RAC1: variants seen among roughly 807,000 people sequenced by gnomAD.
RAC1 encodes the protein ras-related C3 botulinum toxin substrate 1.
A neutral mutation model predicts 25.2 loss-of-function variants in RAC1; 2 were observed. That is an observed-to-expected ratio of 0.08 (90% CI 0.03 to 0.25). The LOEUF (loss-of-function observed/expected upper bound fraction) is 0.25, where lower values mean the gene tolerates loss of function less well. Among genes scored for constraint, RAC1 ranks in the 10% least tolerant of loss-of-function variants. RAC1 has a pLI of 1.00. For synonymous variants in RAC1, 88 were observed against 94.0 expected (o/e 0.94, Z 0.37); for missense variants, 50 against 235.7 (o/e 0.21, Z 5.16).
chr7:6,398,749 C>T (rs182595197), intron 3 of RAC1: 2 of 1,597,646 alleles, frequency 1.3e-6, no homozygotes, highest in Non-Finnish European at 1.7e-6. Context: ...ACTTCAGTTT[C>T]AAGCTTTCTC....
chr7:6,383,205 A>G (rs543201114), intron 1 of RAC1, among the ~76,000 whole-genome samples: 2 of 152,386 alleles, frequency 1.3e-5, no homozygotes, highest in South Asian at 4.1e-4. Flanking sequence ...TACGGCTTCC[A>G]TTCTTCATGA....
rs1473432147 is a variant in RAC1, at chr7:6,403,754, T to A, written c.*1308T>A. 4.8e-6 allele frequency: 1 copy of A among 210,308 alleles called. No individual in the cohort carries two copies. Among genetic ancestry groups the A allele is most frequent in the Admixed American group, 5.9e-5 (1 of 16,978 alleles). The allele number at this position is 210,308 out of a possible 1,614,324, so 13.0% of individuals were successfully genotyped here. A position where few individuals can be genotyped will look rare whatever the true frequency, so the allele number is the denominator to read the frequency against. On this transcript the variant is annotated 3_prime_UTR_variant, in exon 6 of 6. Transcript: ENST00000348035. ...GTCGCTTTGCCTATTGATGTTCCTT[T>A]GGGTCTGTGAGGTTCTGTAAACTGT...
At chr7:6,382,394 T>C (rs758226053) in intron 1 of RAC1, among the ~76,000 whole-genome samples, 1 of 152,252 alleles carries the variant, frequency 6.6e-6, no homozygotes, top group African/African-American at 2.4e-5. Context: ...TCAACGTGTC[T>C]TTAAAAGAAG....
intron 1 of RAC1, among the ~76,000 whole-genome samples, chr7:6,375,106 C>T (rs1192335763): frequency 2.0e-5 from 3 of 151,006 alleles, no homozygotes; most frequent in African/African-American, 7.3e-5. Flanking sequence ...GAGATTTTGA[C>T]CATTTTTCCA....
At chr7:6,388,811 G>C (rs1003412714) in intron 2 of RAC1, among the ~76,000 whole-genome samples, 1 of 152,132 alleles carries the variant, frequency 6.6e-6, no homozygotes, top group East Asian at 1.9e-4. Flanking sequence ...AACAAACATT[G>C]CTGGGTTCAG....
At position 6,391,909 on chromosome 7, in the gene RAC1, C is replaced by T. The variant is rs1054079421; in HGVS notation, c.108-15C>T. ...TTCTACACCTGTGACTAACCATTTT[C>T]ATTCCATTCTACAGCTTTGACAATT... On this transcript the variant is annotated splice_polypyrimidine_tract_variant and intron_variant, in intron 2 of 5. Coordinates refer to ENST00000348035, the MANE Select transcript of RAC1 (RefSeq NM_006908.5). The T allele has an allele frequency of 1.2e-6, 2 of 1,614,020 alleles. No homozygotes were observed. The highest frequency in any genetic ancestry group is 1.7e-6 in the Non-Finnish European group (2 of 1,179,940).
At position 6,374,779 on chromosome 7, in the gene RAC1, G is replaced by T. The variant is rs1479845585; in HGVS notation, c.35+9G>T. ...GTGGTGGTGGGAGACGGGTGAGTGCGCGGCCGGGGCCGGGCTGGAGGCCGC... is the reference window on the plus strand; with the variant it reads ...GTGGTGGTGGGAGACGGGTGAGTGCTCGGCCGGGGCCGGGCTGGAGGCCGC... On this transcript the variant is annotated intron_variant, in intron 1 of 5. Transcript: ENST00000348035. The T allele has an allele frequency of 8.8e-7, 1 of 1,135,234 alleles. No individual in the cohort carries two copies. 70.3% of individuals were successfully genotyped at this position (1,135,234 alleles called of 1,614,324 possible). A position where few individuals can be genotyped will look rare whatever the true frequency, so the allele number is the denominator to read the frequency against.
intron 2 of RAC1, chr7:6,391,572 AC>A (rs1783094136): frequency 3.7e-6 from 1 of 267,910 alleles, no homozygotes; most frequent in Non-Finnish European, 7.2e-6. Context: ...TACATGAAAA[AC>A]CCAACAAGTA....
At chr7:6,385,964 A>G (rs1782911099) in intron 1 of RAC1, among the ~76,000 whole-genome samples, 1 of 152,188 alleles carries the variant, frequency 6.6e-6, no homozygotes, top group African/African-American at 2.4e-5. Flanking sequence ...TGCTGTAAAA[A>G]TTGGAGACCT....
rs760053359 is a variant in RAC1 at position 6,398,710 on chromosome 7, C to A, written c.226-1416C>A. On this transcript the variant is annotated intron_variant, in intron 3 of 5. Coordinates refer to ENST00000348035, the MANE Select transcript of RAC1 (RefSeq NM_006908.5). ...TATAACCTCCCGGGGCAAAGACAAG[C>A]CGATTGCCGTATGTAAAACTTTCAG... The A allele has an allele frequency of 1.9e-6, 3 of 1,613,444 alleles. No individual in the cohort carries two copies. The South Asian group carries it at 3.3e-5, about 18-fold the overall frequency.
chr7:6,393,189 G>C (rs139745630), intron 3 of RAC1, among the ~76,000 whole-genome samples: 1 of 152,290 alleles, frequency 6.6e-6, no homozygotes, highest in East Asian at 1.9e-4. Context: ...CCAGTACTTC[G>C]TTGTAGGGGG....
chr7:6,389,541 ATGGTGGCACATGAC>A (rs1295377032), intron 2 of RAC1, among the ~76,000 whole-genome samples: 1 of 151,952 alleles, frequency 6.6e-6, no homozygotes, highest in East Asian at 1.9e-4. Flanking sequence ...TTAGCTGGGC[ATGGTGGCACATGAC>A]TATAATCCCA....
chr7:6,396,031 G>C (rs1337731451), intron 3 of RAC1, among the ~76,000 whole-genome samples: 1 of 152,234 alleles, frequency 6.6e-6, no homozygotes, highest in African/African-American at 2.4e-5. Context: ...TACCACCGAG[G>C]AGGGAGTGGT....
rs139483119 is a variant in RAC1 at position 6,379,135 on chromosome 7, A to C, written c.35+4365A>C. 4.1e-3 allele frequency among the ~76,000 whole-genome samples: 624 copies of C among 152,134 alleles called. 3 individuals are homozygous for C. The highest frequency in any genetic ancestry group is 0.021 in the South Asian group (101 of 4,828). On this transcript the variant is annotated intron_variant, in intron 1 of 5. Coordinates refer to ENST00000348035, the MANE Select transcript of RAC1 (RefSeq NM_006908.5). ...GCATCTTACATTCAGGTATTTATAA[A>C]CAACTTTTATTATTTATTTGTTTTT...
Position 6,400,248 on chromosome 7 carries a change from C to G in RAC1, c.288+60C>G, listed in dbSNP as rs144607000. On this transcript the variant is annotated intron_variant, in intron 4 of 5. Transcript: ENST00000348035. ...AGAATGATCCTCTCAGAAATAAATA[C>G]TTTAAAATATCACTTAGCCTAGGAA... is the stretch of plus-strand genomic sequence containing the variant. 7.7e-3 allele frequency: 11,056 copies of G among 1,437,640 alleles called. 54 individuals are homozygous for G. The highest frequency in any genetic ancestry group is 8.3e-3 in the Non-Finnish European group (8,541 of 1,024,316). 89.1% of individuals were successfully genotyped at this position (1,437,640 alleles called of 1,614,324 possible).
chr7:6,385,494 C>T (rs1291160586), intron 1 of RAC1, among the ~76,000 whole-genome samples: 1 of 152,188 alleles, frequency 6.6e-6, no homozygotes, highest in Non-Finnish European at 1.5e-5. Flanking sequence ...AAAGCTTAGG[C>T]TCCTGCTCAT....
chr7:6,384,926 C>G (rs1782880605), intron 1 of RAC1, among the ~76,000 whole-genome samples: 1 of 152,012 alleles, frequency 6.6e-6, no homozygotes, highest in Non-Finnish European at 1.5e-5. Context: ...GTGCCTCAGC[C>G]CCCCAAGTAG....
At position 6,403,594 on chromosome 7, in the gene RAC1, T is replaced by C. The variant is rs997928641; in HGVS notation, c.*1148T>C. 4.6e-6 allele frequency: 1 copy of C among 216,456 alleles called. No individual in the cohort carries two copies. The highest frequency in any genetic ancestry group is 2.2e-5 in the African/African-American group (1 of 44,474). The allele number at this position is 216,456 out of a possible 1,614,324, so 13.4% of individuals were successfully genotyped here. On this transcript the variant is annotated 3_prime_UTR_variant, in exon 6 of 6. Coordinates refer to ENST00000348035, the MANE Select transcript of RAC1 (RefSeq NM_006908.5). The stretch of plus-strand genomic sequence containing the variant: ...GTAAAAATCATGTGTTGCAGCTTTA[T>C]AGTTTTTAAAATATTTTAGATAATT...
intron 1 of RAC1, among the ~76,000 whole-genome samples, chr7:6,384,046 T>A (rs981667239): frequency 2.0e-5 from 3 of 151,914 alleles, no homozygotes; most frequent in Admixed American, 6.6e-5. Context: ...CCGCCCGCCT[T>A]GGCCTCCCAA....
Sources: allele counts gnomAD v4.1 joint callset (sites outside exome capture counted in the v4.1 genomes callset), GRCh38; gene constraint gnomAD v4.1.1; transcripts MANE v1.5; gene names NCBI Gene and HGNC (gene_info 2026-07-23, HGNC 2026-07-21).